The following WWC2 variants were observed in gnomAD, a reference collection of about 807,000 sequenced individuals.
The protein encoded by WWC2 is protein WWC2.
A neutral mutation model predicts 138.5 loss-of-function variants in WWC2; 101 were observed. The observed-to-expected ratio is 0.73, with a 90% CI of 0.62 to 0.86. The LOEUF is 0.86. WWC2 is among the 40% of genes least tolerant of loss of function. The pLI is 0.00. For synonymous variants in WWC2, 558 were observed against 538.4 expected (o/e 1.04, Z -0.50); for missense variants, 1,420 against 1,419.4 (o/e 1.00, Z -0.01).
At chr4:183,176,807 A>G (rs1734483072) in intron 1 of WWC2, among the ~76,000 whole-genome samples, 1 of 152,126 alleles carries the variant, frequency 6.6e-6, no homozygotes, top group Non-Finnish European at 1.5e-5. Context: ...GAAGAGAAGA[A>G]TGATCATCAG....
intron 1 of WWC2, 91 bp from the exon 2 acceptor site, chr4:183,193,508 C>T: frequency 9.4e-7 from 1 of 1,059,972 alleles, no homozygotes. Flanking sequence ...ATTTTAAATG[C>T]AACCTAGACA....
intron 5 of WWC2, 22 bp from the exon 6 acceptor site, chr4:183,245,390 TTTTC>T (rs1736743278): frequency 6.7e-7 from 1 of 1,488,188 alleles, no homozygotes. Flanking sequence ...CTTTGATATT[TTTTC>T]TTTCTTTTTC....
intron 1 of WWC2, among the ~76,000 whole-genome samples, chr4:183,137,931 G>T (rs1183946139): frequency 6.6e-6 from 1 of 152,114 alleles, no homozygotes; most frequent in Non-Finnish European, 1.5e-5. Flanking sequence ...TGTATGTTTA[G>T]TGATTTTTGA....
intron 1 of WWC2, among the ~76,000 whole-genome samples, chr4:183,157,740 A>C (rs1733847454): frequency 6.6e-6 from 1 of 151,708 alleles, no homozygotes; most frequent in South Asian, 2.1e-4. Context: ...TGACCTTGTG[A>C]TCCGCCTCCC....
chr4:183,141,027 C>T (rs1225234832), intron 1 of WWC2, among the ~76,000 whole-genome samples: 4 of 152,120 alleles, frequency 2.6e-5, no homozygotes, highest in Non-Finnish European at 1.5e-5. Flanking sequence ...GAGAAAAATT[C>T]GTGGGAAACC....
chr4:183,113,515 T>C (rs72691677), intron 1 of WWC2, among the ~76,000 whole-genome samples: 43,945 of 126,034 alleles, frequency 0.35, 6,843 homozygotes, highest in South Asian at 0.48. Context: ...TGTGTGTGTG[T>C]GCGCGCGCGT....
At chr4:183,182,097 T>C (rs937286903) in intron 1 of WWC2, among the ~76,000 whole-genome samples, 1 of 152,210 alleles carries the variant, frequency 6.6e-6, no homozygotes, top group Admixed American at 6.5e-5. Context: ...CATTGTTAAC[T>C]GGGATTATTC....
intron 6 of WWC2, among the ~76,000 whole-genome samples, chr4:183,246,319 G>GA (rs377615879): frequency 1.3e-5 from 2 of 152,208 alleles, no homozygotes; most frequent in African/African-American, 4.8e-5. Flanking sequence ...TTACTTAGCT[G>GA]AGGGATAATT....
intron 1 of WWC2, among the ~76,000 whole-genome samples, chr4:183,117,436 G>A (rs1227275722): frequency 6.6e-6 from 1 of 151,814 alleles, no homozygotes; most frequent in East Asian, 1.9e-4. Flanking sequence ...GGTCAGGCTG[G>A]TCTCGAACTC....
chr4:183,176,810 A>G (rs1734483164), intron 1 of WWC2, among the ~76,000 whole-genome samples: 1 of 152,120 alleles, frequency 6.6e-6, no homozygotes, highest in African/African-American at 2.4e-5. Flanking sequence ...GAGAAGAATG[A>G]TCATCAGTGG....
chr4:183,202,533 C>A (rs1047240952), intron 2 of WWC2, among the ~76,000 whole-genome samples: 4 of 152,082 alleles, frequency 2.6e-5, no homozygotes, highest in Non-Finnish European at 5.9e-5. Context: ...GCTGATCTGC[C>A]CCTGACATCT....
At chr4:183,270,812 A>G (rs1340141603) in intron 15 of WWC2, among the ~76,000 whole-genome samples, 2 of 152,174 alleles carry the variant, frequency 1.3e-5, no homozygotes, top group Non-Finnish European at 2.9e-5. Context: ...ATGCTTAGTC[A>G]TTAGGTCTTC....
intron 1 of WWC2, among the ~76,000 whole-genome samples, chr4:183,143,311 A>C (rs56038937): frequency 0.03 from 4,513 of 152,180 alleles, 136 homozygotes; most frequent in South Asian, 0.062. Flanking sequence ...CTTGATTTGC[A>C]TTCCAGTCAT....
chr4:183,218,830 C>T (rs1277466079), intron 4 of WWC2, among the ~76,000 whole-genome samples: 3 of 152,190 alleles, frequency 2.0e-5, no homozygotes, highest in African/African-American at 7.2e-5. Context: ...GAGGTATATT[C>T]ACATTATGGA....
chr4:183,122,983 TC>T (rs1246591172), intron 1 of WWC2, among the ~76,000 whole-genome samples: 8 of 152,214 alleles, frequency 5.3e-5, no homozygotes, highest in African/African-American at 1.9e-4. Flanking sequence ...CCATTTCATT[TC>T]CATGACATTT....
At chr4:183,312,523 G>T in intron 22 of WWC2, 55 bp downstream of exon 22, 6 of 1,606,448 alleles carry the variant, frequency 3.7e-6, no homozygotes, top group African/African-American at 1.3e-5. Flanking sequence ...GTCTGATTGT[G>T]TAGGAATTCA....
chr4:183,149,356 C>G (rs758656938), intron 1 of WWC2, among the ~76,000 whole-genome samples: 2 of 152,178 alleles, frequency 1.3e-5, no homozygotes, highest in Non-Finnish European at 2.9e-5. Context: ...GGCGCGGTGG[C>G]TCACGCCTGT....
At chr4:183,125,869 A>G (rs999695109) in intron 1 of WWC2, among the ~76,000 whole-genome samples, 22 of 152,204 alleles carry the variant, frequency 1.4e-4, no homozygotes, top group African/African-American at 5.3e-4. Context: ...AGGACTGTTT[A>G]ATGAACACAC....
At chr4:183,266,672 G>A (rs745345300) in intron 14 of WWC2, among the ~76,000 whole-genome samples, 39 of 152,182 alleles carry the variant, frequency 2.6e-4, no homozygotes, top group Non-Finnish European at 5.0e-4. Context: ...GCACTATGAC[G>A]TAGAATCCGG....
Sources: gnomAD v4.1 joint callset for allele counts (sites outside exome capture counted in the v4.1 genomes callset) on GRCh38, gnomAD v4.1.1 for gene constraint, MANE v1.5 for transcripts, NCBI Gene and HGNC (gene_info 2026-07-23, HGNC 2026-07-21) for gene names.